The following ZIM2 variants were observed in gnomAD, a reference collection of about 807,000 sequenced individuals.
ZIM2 encodes the protein zinc finger imprinted 2, also known as zinc finger protein 656.
ZIM2 carries 14 observed loss-of-function variants against 38.6 expected under a neutral mutation model. The ratio of observed to expected loss-of-function variants is 0.36; its 90% CI spans 0.24 to 0.57. ZIM2 has a LOEUF of 0.57. ZIM2 is among the 20% of genes least tolerant of loss of function. The pLI, the probability that ZIM2 is intolerant of heterozygous loss-of-function variation, is 0.81. For synonymous variants in ZIM2, 247 were observed against 245.8 expected (o/e 1.00, Z -0.04); for missense variants, 680 against 695.1 (o/e 0.98, Z 0.24).
At chr19:56,838,580 C>T (rs1388218098) in intron 1 of ZIM2, among the ~76,000 whole-genome samples, 2 of 152,196 alleles carry the variant, frequency 1.3e-5, no homozygotes, top group Admixed American at 1.3e-4. Context: ...CTTGGTCAGG[C>T]AACAACAGGG....
intron 10 of ZIM2, among the ~76,000 whole-genome samples, chr19:56,785,353 G>A (rs1448657946): frequency 6.6e-6 from 1 of 152,036 alleles, no homozygotes; most frequent in Non-Finnish European, 1.5e-5. Flanking sequence ...CTAGAACAGT[G>A]TTTCTCAACC....
At chr19:56,778,152 C>T (rs926888022) in intron 12 of ZIM2, among the ~76,000 whole-genome samples, 1 of 152,200 alleles carries the variant, frequency 6.6e-6, no homozygotes. Flanking sequence ...TTTAAAACTA[C>T]TGCCCCCATT....
intron 2 of ZIM2, among the ~76,000 whole-genome samples, chr19:56,832,439 T>G (rs917639192): frequency 2.0e-5 from 3 of 152,200 alleles, no homozygotes; most frequent in African/African-American, 7.2e-5. Flanking sequence ...GACAGCTGTC[T>G]AGCCGTCATA....
In ZIM2 at chr19:56,835,636, A is replaced by G. The variant is rs150345202; in HGVS notation, c.-227+382T>C. Among the ~76,000 whole-genome samples the G allele has an allele frequency of 6.2e-3, 952 of 152,322 alleles. 10 individuals are homozygous for G. The highest frequency in any genetic ancestry group is 0.022 in the African/African-American group (897 of 41,564). On this transcript the variant is annotated intron_variant, in intron 2 of 12. Transcript: ENST00000629319. ...CAGCTTTAATTCCCAAATAGACTAA[A>G]AACTCTTTGAAAACACTTCCTTTCC...
intron 9 of ZIM2, among the ~76,000 whole-genome samples, chr19:56,790,443 C>T (rs1406813209): frequency 6.6e-6 from 1 of 152,200 alleles, no homozygotes; most frequent in Non-Finnish European, 1.5e-5. Context: ...TGAAATCTCA[C>T]ACTTTCCTGC....
intron 3 of ZIM2, 60 bp from the exon 4 acceptor site, chr19:56,824,487 A>G (rs1318302809): frequency 6.2e-7 from 1 of 1,614,084 alleles, no homozygotes; most frequent in African/African-American, 1.3e-5. Flanking sequence ...GGCCCAACAA[A>G]TTCCACATAG....
intron 9 of ZIM2, among the ~76,000 whole-genome samples, chr19:56,805,458 C>G (rs1177206732): frequency 6.6e-6 from 1 of 152,166 alleles, no homozygotes; most frequent in Non-Finnish European, 1.5e-5. Context: ...AAAATATTCC[C>G]CAATCCTTCC....
chr19:56,821,963 T>C (rs909663681), intron 6 of ZIM2, among the ~76,000 whole-genome samples: 4 of 151,972 alleles, frequency 2.6e-5, no homozygotes, highest in African/African-American at 7.2e-5. Context: ...CCAGGGGCCC[T>C]GCCTCATCCT....
chr19:56,781,867 ACC>A (rs2046348805), intron 11 of ZIM2, 84 bp downstream of exon 11: 1 of 1,508,734 alleles, frequency 6.6e-7, no homozygotes, highest in East Asian at 2.3e-5. Context: ...ATGGTGAACC[ACC>A]ATTACTGATG....
At position 56,820,085 on chromosome 19, in the gene ZIM2, G is replaced by C. The variant is rs200232183; in HGVS notation, c.295-1383C>G. ...AAATTAAAATCTAGGCCAGTGGGCA[G>C]CCCTAAATTGGTTGTTCGCTTTGTG... On this transcript the variant is annotated intron_variant, in intron 7 of 12. Transcript: ENST00000629319. Among the ~76,000 whole-genome samples the C allele has an allele frequency of 8.5e-5, 13 of 152,360 alleles. No individual in the cohort carries two copies. In the East Asian group the frequency reaches 2.3e-3, roughly 27 times the overall value.
At chr19:56,815,562 T>G in intron 9 of ZIM2, 1 of 1,614,080 alleles carries the variant, frequency 6.2e-7, no homozygotes, top group Non-Finnish European at 8.5e-7. Context: ...GGCGAAATGT[T>G]TGTTCACCAA....
intron 10 of ZIM2, among the ~76,000 whole-genome samples, chr19:56,787,581 C>A (rs1366580576): frequency 1.3e-5 from 2 of 152,126 alleles, no homozygotes; most frequent in African/African-American, 4.8e-5. Flanking sequence ...CCAGGTTTTG[C>A]TATCAGGATG....
chr19:56,821,853 G>A (rs1156373245), intron 6 of ZIM2, 99 bp from the exon 7 acceptor site: 2 of 1,299,520 alleles, frequency 1.5e-6, no homozygotes, highest in Admixed American at 1.7e-5. Context: ...GGGTGTGAGT[G>A]TATGAGAGCA....
chr19:56,782,228 C>A (rs1233817537), intron 10 of ZIM2, 107 bp from the exon 11 acceptor site: 7 of 1,411,452 alleles, frequency 5.0e-6, no homozygotes, highest in African/African-American at 1.4e-5. Context: ...GCCACAGGCA[C>A]CTGGCATTGC....
At position 56,816,091 on chromosome 19, in the gene ZIM2, G is replaced by A. The variant is rs2059952609; in HGVS notation, c.490+1655C>T. The A allele has an allele frequency of 3.1e-6, 5 of 1,605,612 alleles. No homozygotes were observed. The East Asian group carries it at 1.1e-4, about 36-fold the overall frequency. On this transcript the variant is annotated intron_variant, in intron 9 of 12. Coordinates refer to ENST00000629319, the MANE Select transcript of ZIM2 (RefSeq NM_001387356.1). ...ACTGTGACTTTTCTGAGCTTCCACA[G>A]AGGCTAAGCTATGAATAACAGACCT...
At position 56,790,075 on chromosome 19, in the gene ZIM2, T is replaced by C. The variant is rs1277197705; in HGVS notation, c.491-124A>G. On this transcript the variant is annotated intron_variant, in intron 9 of 12. Coordinates refer to ENST00000629319, the MANE Select transcript of ZIM2 (RefSeq NM_001387356.1). ...GAAGGAACAGCAGCTCTAGAGTTCC[T>C]ATGGTGAGAAAGTCAGATATCATTT... 16 of 646,192 alleles carry C rather than the reference T, an allele frequency of 2.5e-5. No homozygotes were observed. In the South Asian group the frequency reaches 9.9e-4, roughly 40 times the overall value. 40.0% of individuals were successfully genotyped at this position (646,192 alleles called of 1,614,324 possible). A position where few individuals can be genotyped will look rare whatever the true frequency, so the allele number is the denominator to read the frequency against.
intron 9 of ZIM2, chr19:56,815,598 C>T: frequency 6.2e-7 from 1 of 1,614,134 alleles, no homozygotes; most frequent in Non-Finnish European, 8.5e-7. Flanking sequence ...TTACAGAGGT[C>T]TCATTGCTCC....
chr19:56,824,634 A>G (rs766306034), intron 3 of ZIM2: 15 of 1,604,048 alleles, frequency 9.4e-6, no homozygotes, highest in Non-Finnish European at 1.3e-5. Context: ...TTGGTGGCAG[A>G]CAAGTGCTTT....
intron 12 of ZIM2, 92 bp from the exon 13 acceptor site, chr19:56,775,621 G>A: frequency 6.7e-7 from 1 of 1,495,794 alleles, no homozygotes; most frequent in Non-Finnish European, 8.9e-7. Context: ...TTGCCCTGGA[G>A]TTAGTGCTTT....
Sources: allele counts gnomAD v4.1 joint callset (sites outside exome capture counted in the v4.1 genomes callset), GRCh38; gene constraint gnomAD v4.1.1; transcripts MANE v1.5; gene names NCBI Gene and HGNC (gene_info 2026-07-23, HGNC 2026-07-21).